Variants in TTN observed in about 807,000 individuals in gnomAD.
TTN encodes the protein titin.
Under a neutral mutation model 3,223.0 loss-of-function variants are expected in TTN, and 1,525 were observed. The ratio of observed to expected loss-of-function variants is 0.47; its 90% CI spans 0.45 to 0.49. The LOEUF (loss-of-function observed/expected upper bound fraction) is 0.49, where lower values mean the gene tolerates loss of function less well. TTN is among the 20% of genes least tolerant of loss of function. The probability of loss-of-function intolerance (pLI) is 0.00; values close to 1 mark genes in which losing one functional copy is unlikely to be tolerated. For synonymous variants in TTN, 14,094 were observed against 15,161.0 expected, an observed-to-expected ratio of 0.93 and a Z score of 5.17; for missense variants, 40,786 against 43,424.0, an observed-to-expected ratio of 0.94 and a Z score of 5.40.
Position 178,727,166 on chromosome 2 carries a change from C to T in TTN, c.20199G>A (p.Glu6733=). 6.2e-7 allele frequency: 1 copy of T among 1,612,950 alleles called. No individual in the cohort carries two copies. Among genetic ancestry groups the T allele is most frequent in the Non-Finnish European group, 8.5e-7 (1 of 1,179,270 alleles). Residue 6733 remains glutamate (E), a synonymous_variant, in exon 69 of 363, where the codon GAG becomes GAA. Transcript: ENST00000589042. ...CCTCACAAATGAAATCTCCACTGTC[C>T]TCAGTACTGAGATTGTTCATCTGTA... ...AVIQMNNLST[E]DSGDFICEAQ...
chr2:178,626,024 A>G (rs1392419171), intron 240 of TTN, among the ~76,000 whole-genome samples: 1 of 151,960 alleles, frequency 6.6e-6, no homozygotes, highest in East Asian at 1.9e-4. Context: ...GTGTATATAT[A>G]TGTGTGCCCC....
At chr2:178,773,028 G>A in intron 33 of TTN, 81 bp downstream of exon 33, 1 of 1,588,834 alleles carries the variant, frequency 6.3e-7, no homozygotes, top group Non-Finnish European at 8.6e-7. Context: ...GAAACTGAAA[G>A]GAATTTTGGG....
chr2:178,730,884 A>G, intron 60 of TTN, 41 bp downstream of exon 60: 1 of 1,540,626 alleles, frequency 6.5e-7, no homozygotes. Context: ...AAGAAGGAGC[A>G]TGGAAATGCC....
At chr2:178,784,482 C>T in intron 15 of TTN, 131 bp from the exon 16 acceptor site, 1 of 1,113,864 alleles carries the variant, frequency 9.0e-7, no homozygotes, top group Non-Finnish European at 1.3e-6. Flanking sequence ...CATTATCACA[C>T]AGTTAATGAA....
intron 47 of TTN, among the ~76,000 whole-genome samples, chr2:178,743,608 T>A (rs1017050190): frequency 4.6e-5 from 7 of 151,974 alleles, no homozygotes; most frequent in African/African-American, 1.7e-4. Flanking sequence ...AAAACATTTT[T>A]CTATTTCTCT....
rs541210046 is a variant in TTN, at chr2:178,540,428, G to A, written c.97796-58C>T. ...GTTGCTGCAAAGTTGAAAATTAGCT[G>A]TGCCACCTAACAAATTCAATGAGTT... On this transcript the variant is annotated intron_variant, in intron 350 of 362. Transcript: ENST00000589042. The A allele has an allele frequency of 8.7e-6, 12 of 1,373,142 alleles. No individual in the cohort carries two copies. In the South Asian group the frequency reaches 1.6e-4, roughly 19 times the overall value. The allele number at this position is 1,373,142 out of a possible 1,614,324, so 85.1% of individuals were successfully genotyped here. A position where few individuals can be genotyped will look rare whatever the true frequency, so the allele number is the denominator to read the frequency against.
rs755115857 is a variant in TTN, at chr2:178,720,390, A to G, written c.23372T>C (p.Phe7791Ser). 4.3e-6 allele frequency: 7 copies of G among 1,611,214 alleles called. No homozygotes were observed. Among genetic ancestry groups the G allele is most frequent in the Non-Finnish European group, 5.9e-6 (7 of 1,178,418 alleles). The change falls in exon 80 of 363, where the codon TTC becomes TCC. Residue 7791 changes from phenylalanine to serine, a missense_variant. Coordinates refer to ENST00000589042, the MANE Select transcript of TTN (RefSeq NM_001267550.2). Reference sequence around the variant, plus strand: ...TTGTGTCCATGTATACAAACCTTTGAACTTGACAGAGCAAGAACACGTGTC... The same window carrying G: ...TTGTGTCCATGTATACAAACCTTTGGACTTGACAGAGCAAGAACACGTGTC... ...GSDTCSCSVK[F>S]KEPPRFVKKL...
chr2:178,719,006 A>G (rs777678704), intron 83 of TTN, 33 bp from the exon 84 acceptor site: 11 of 1,540,714 alleles, frequency 7.1e-6, no homozygotes, highest in Non-Finnish European at 5.2e-6. Context: ...GGAGATAAAG[A>G]GAAGAAAGAA....
Position 178,667,462 on chromosome 2 carries a change from C to T in TTN, c.35693G>A (p.Arg11898Lys), listed in dbSNP as rs1553799769. The part of the protein sequence containing the change: ...DKIYVTIPKK[R>K]ETPATKEPDT... ...TATACCTTTAGTTGCTGGTGTTTCTCTCTTTTTAGGAATAGTCACATATAT... is the reference window on the plus strand; with the variant it reads ...TATACCTTTAGTTGCTGGTGTTTCTTTCTTTTTAGGAATAGTCACATATAT... Residue 11898 changes from arginine to lysine, a missense_variant, in exon 161 of 363, where the codon AGA (arginine) becomes AAA (lysine). Arg to Lys is a conservative substitution (Grantham distance 26). Transcript: ENST00000589042. 1.9e-6 allele frequency: 3 copies of T among 1,600,810 alleles called. No individual in the cohort carries two copies. Among genetic ancestry groups the T allele is most frequent in the Non-Finnish European group, 2.5e-6 (3 of 1,177,812 alleles).
rs1367681610 is a variant in TTN at position 178,734,379 on chromosome 2, C to T, written c.15445G>A (p.Val5149Ile). The T allele has an allele frequency of 6.2e-7, 1 of 1,611,518 alleles. No individual in the cohort carries two copies. Among genetic ancestry groups the T allele is most frequent in the Non-Finnish European group, 8.5e-7 (1 of 1,178,380 alleles). Residue 5149 changes from valine (V) to isoleucine (I), a missense_variant, in exon 52 of 363, where the codon GTT (valine) becomes ATT (isoleucine). Physicochemically the swap from Val to Ile is conservative, Grantham distance 29. Coordinates refer to ENST00000589042, the MANE Select transcript of TTN (RefSeq NM_001267550.2). ...SADVGEYECVVANEVGKCGCM... is the reference protein window; with the variant it reads ...SADVGEYECVIANEVGKCGCM... ...CCACACTTGCCGACTTCATTAGCAA[C>T]AACACATTCATATTCACCAACATCT...
In TTN at chr2:178,550,332, A is replaced by G. The variant is rs1009809812; in HGVS notation, c.91565-59T>C. On this transcript the variant is annotated intron_variant, in intron 336 of 362. Transcript: ENST00000589042. ...TGGCTTAATAAAGACATACATAAATATATATTTTTCAGTAGTGCCATATCA... is the reference window on the plus strand; with the variant it reads ...TGGCTTAATAAAGACATACATAAATGTATATTTTTCAGTAGTGCCATATCA... 8 of 1,423,684 alleles carry G rather than the reference A, an allele frequency of 5.6e-6. No homozygotes were observed. The Admixed American group carries it at 1.5e-4, about 27-fold the overall frequency. 88.2% of individuals were successfully genotyped at this position (1,423,684 alleles called of 1,614,324 possible).
At chr2:178,683,886 T>G in intron 133 of TTN, 113 bp downstream of exon 133, 3 of 698,334 alleles carry the variant, frequency 4.3e-6, no homozygotes, top group Non-Finnish European at 6.5e-6. Flanking sequence ...CAAACTTATA[T>G]TGCTTACTTT....
In TTN at chr2:178,553,413, G is replaced by A; in HGVS notation, c.89504-17C>T. 1 of 1,576,084 alleles carries A rather than the reference G, an allele frequency of 6.3e-7. No homozygotes were observed. Among genetic ancestry groups the A allele is most frequent in the East Asian group, 2.2e-5 (1 of 44,528 alleles). On this transcript the variant is annotated splice_polypyrimidine_tract_variant and intron_variant, in intron 334 of 362. Transcript: ENST00000589042. ...CTGGTGCCTCTGTAGACATAAAATG[G>A]ATACATACAGTGAATTTTAAAAGCA... is the stretch of plus-strand genomic sequence containing the variant.
chr2:178,663,375 A>G, intron 172 of TTN, 26 bp from the exon 173 acceptor site: 3 of 1,604,482 alleles, frequency 1.9e-6, no homozygotes, highest in Non-Finnish European at 2.5e-6. Context: ...TATTTTCATT[A>G]TTAGACAAAG....
chr2:178,710,943 C>T (rs369751123), intron 97 of TTN, 21 bp from the exon 98 acceptor site: 1 of 1,600,802 alleles, frequency 6.2e-7, no homozygotes, highest in Admixed American at 1.7e-5. Context: ...AGCAGAAAGA[C>T]AAGGTTTCAG....
chr2:178,748,151 T>C (rs773310774), intron 47 of TTN: 11 of 1,613,214 alleles, frequency 6.8e-6, no homozygotes, highest in Non-Finnish European at 7.6e-6. Flanking sequence ...ACAACTTTTC[T>C]CAGAAAGATC....
In TTN at chr2:178,586,727, G is replaced by A. The variant is rs72646859; in HGVS notation, c.64174C>T (p.Arg21392Cys). 8.0e-4 allele frequency: 1,291 copies of A among 1,613,110 alleles called. 1 individual carries two copies. The highest frequency in any genetic ancestry group is 1.2e-3 in the East Asian group (54 of 44,760). ...SATLAWLPPL[R>C]DGGAKIDGYI... ...CCATCGATTTTAGCACCTCCATCACGTAGGGGAGGTAACCAGGCTAAGGTG... is the reference window on the plus strand; with the variant it reads ...CCATCGATTTTAGCACCTCCATCACATAGGGGAGGTAACCAGGCTAAGGTG... The change falls in exon 308 of 363, where the codon CGT becomes TGT. Residue 21392 changes from arginine to cysteine, a missense_variant. Coordinates refer to ENST00000589042, the MANE Select transcript of TTN (RefSeq NM_001267550.2).
chr2:178,651,421 G>A (rs376818881), intron 207 of TTN, 32 bp downstream of exon 207: 11 of 1,602,354 alleles, frequency 6.9e-6, no homozygotes, highest in Admixed American at 3.5e-5. Flanking sequence ...GGCTCCATCC[G>A]CCCCCATCAA....
Position 178,741,217 on chromosome 2 carries a change from T to G in TTN, c.12016A>C (p.Ser4006Arg). 6.2e-7 allele frequency: 1 copy of G among 1,613,456 alleles called. No homozygotes were observed. The highest frequency in any genetic ancestry group is 8.5e-7 in the Non-Finnish European group (1 of 1,179,832). Residue 4006 changes from serine (S) to arginine (R), a missense_variant, in exon 48 of 363, where the codon AGT (serine) becomes CGT (arginine). By Grantham distance (110) the Ser-to-Arg change is moderately radical (BLOSUM62 -1). Coordinates refer to ENST00000589042, the MANE Select transcript of TTN (RefSeq NM_001267550.2). ...TCTGCTTTACAGATATAGAGGCCACTGTCTTCCCTCTGAGGGTCATTGACA... is the reference window on the plus strand; with the variant it reads ...TCTGCTTTACAGATATAGAGGCCACGGTCTTCCCTCTGAGGGTCATTGACA... ...FIVNDPQRED[S>R]GLYICKAENM...
Sources: gnomAD v4.1 joint callset for allele counts (sites outside exome capture counted in the v4.1 genomes callset) on GRCh38, gnomAD v4.1.1 for gene constraint, MANE v1.5 for transcripts, NCBI Gene and HGNC (gene_info 2026-07-23, HGNC 2026-07-21) for gene names.